The following NKTR variants were observed in gnomAD, a reference collection of about 807,000 sequenced individuals.
The protein encoded by NKTR is natural killer cell triggering receptor.
Under a neutral mutation model 156.3 loss-of-function variants are expected in NKTR, and 67 were observed. The observed-to-expected ratio is 0.43, with a 90% CI of 0.35 to 0.53. The LOEUF (loss-of-function observed/expected upper bound fraction) is 0.53. NKTR is among the 20% of genes least tolerant of loss of function. The pLI is 0.01. For missense variants in NKTR, 1,604 were observed against 1,730.9 expected (o/e 0.93, Z 1.30); for synonymous variants, 640 against 596.6 (o/e 1.07, Z -1.06).
chr3:42,644,647 C>T (rs1343526382), intron 16 of NKTR, among the ~76,000 whole-genome samples: 2 of 152,016 alleles, frequency 1.3e-5, no homozygotes, highest in East Asian at 3.9e-4. Flanking sequence ...ATGATCAGGT[C>T]CAGCCTCCTC....
upstream of NKTR, chr3:42,600,642 C>T (rs896473236): frequency 1.7e-5 from 3 of 173,980 alleles, no homozygotes; most frequent in Admixed American, 6.4e-5. Flanking sequence ...TCCCGACTCT[C>T]GCGGGGTTTA....
chr3:42,628,229 C>T lies in NKTR; in HGVS notation c.375-2317C>T, dbSNP rs139029708. On this transcript the variant is annotated intron_variant, in intron 6 of 16. Transcript: ENST00000232978. ...AGTAATGGACTTTAATCATTCATATCAGGTTTAGGCACTATGGGCAGGCTG... is the reference window on the plus strand; with the variant it reads ...AGTAATGGACTTTAATCATTCATATTAGGTTTAGGCACTATGGGCAGGCTG... The T allele has an allele frequency of 1.0e-5, 10 of 985,372 alleles. No homozygotes were observed. The East Asian group carries it at 7.9e-4, about 78-fold the overall frequency. The allele number at this position is 985,372 out of a possible 1,614,324, so 61.0% of individuals were successfully genotyped here. A position where few individuals can be genotyped will look rare whatever the true frequency, so the allele number is the denominator to read the frequency against.
intron 1 of NKTR, 31 bp from the exon 2 acceptor site, chr3:42,600,953 C>G: frequency 2.8e-6 from 4 of 1,453,086 alleles, no homozygotes; most frequent in Non-Finnish European, 2.8e-6. Flanking sequence ...CTCGCCCCTG[C>G]CCTGACCGCT....
At chr3:42,627,239 T>C in intron 6 of NKTR, 4 of 985,586 alleles carry the variant, frequency 4.1e-6, no homozygotes, top group Non-Finnish European at 4.8e-6. Flanking sequence ...TAATGTCTCA[T>C]TACTCTAAGG....
chr3:42,635,957 TC>T (rs1286761507), intron 12 of NKTR, among the ~76,000 whole-genome samples: 3 of 152,270 alleles, frequency 2.0e-5, no homozygotes, highest in Admixed American at 2.0e-4. Flanking sequence ...GCAGATTCTT[TC>T]CTAGCCAGCC....
Position 42,638,788 on chromosome 3 carries a change from G to A in NKTR, c.3084G>A (p.Glu1028=). Residue 1028 remains glutamate (E), a synonymous_variant, in exon 13 of 17, where the codon GAG becomes GAA. Coordinates refer to ENST00000232978, the MANE Select transcript of NKTR (RefSeq NM_005385.4). ...TAGAATTTGGTGAAGAGGAGGAGGA[G>A]GAGATTGATGACAAGCAAGTTACTC... ...PPLEFGEEEE[E]EIDDKQVTQE... is the part of the protein sequence containing the mutation. 6.2e-7 allele frequency: 1 copy of A among 1,612,554 alleles called. No individual in the cohort carries two copies.
Position 42,607,969 on chromosome 3 carries a change from C to CTTTTTTTTTTT in NKTR, c.58+6938_58+6948dup, listed in dbSNP as rs201803926. Among the ~76,000 whole-genome samples, 50 of 74,960 alleles carry CTTTTTTTTTTT rather than the reference C, an allele frequency of 6.7e-4. 3 individuals carry two copies. The highest frequency in any genetic ancestry group is 1.0e-3 in the Admixed American group (6 of 5,726). The allele number at this position is 74,960 out of a possible 152,430, so 49.2% of individuals were successfully genotyped here. On this transcript the variant is annotated intron_variant, in intron 2 of 16. Coordinates refer to ENST00000232978, the MANE Select transcript of NKTR (RefSeq NM_005385.4). The stretch of plus-strand genomic sequence containing the variant: ...TGCCAATCGCAAGTCCTGAGTCGCT[C>CTTTTTTTTTTT]TTTTTTTTTTTTTTTTTTTTTTTTT...
intron 14 of NKTR, 51 bp downstream of exon 14, chr3:42,642,647 T>G (rs763053898): frequency 7.9e-7 from 1 of 1,264,730 alleles, no homozygotes; most frequent in Non-Finnish European, 1.2e-6. Context: ...GTCCACTTTT[T>G]AAGGCTACAT....
chr3:42,617,479 C>T, intron 2 of NKTR, 91 bp from the exon 3 acceptor site: 1 of 652,360 alleles, frequency 1.5e-6, no homozygotes, highest in Non-Finnish European at 2.7e-6. Flanking sequence ...CAAAAATAGA[C>T]TTTCTAATTT....
At position 42,632,988 on chromosome 3, in the gene NKTR, G is replaced by A. The variant is rs559884412; in HGVS notation, c.773+165G>A. 103 of 1,294,800 alleles carry A rather than the reference G, an allele frequency of 8.0e-5. No individual in the cohort carries two copies. In the Admixed American group the frequency reaches 8.0e-4, roughly 10 times the overall value. 80.2% of individuals were successfully genotyped at this position (1,294,800 alleles called of 1,614,324 possible). Reference sequence around the variant, plus strand: ...GCAAATCTAGGAGTAGGTAGCATAGGCATTTCATTTCAAAGATTTGTGTGT... The same window carrying A: ...GCAAATCTAGGAGTAGGTAGCATAGACATTTCATTTCAAAGATTTGTGTGT... On this transcript the variant is annotated intron_variant, in intron 9 of 16. Coordinates refer to ENST00000232978, the MANE Select transcript of NKTR (RefSeq NM_005385.4).
chr3:42,637,771 A>T lies in NKTR; in HGVS notation c.2067A>T (p.Ser689=). The change falls in exon 13 of 17, where the codon TCA becomes TCT. Residue 689 remains serine (S), a synonymous_variant. Transcript: ENST00000232978. ...ACAGTGATAGAAGTTCAGAAAGCTC[A>T]CCAAGGTCAAGGAGCAGATCTTCTA... ...SKYSDRSSES[S]PRSRSRSSRS... is the part of the protein sequence containing the mutation. 6.2e-7 allele frequency: 1 copy of T among 1,613,612 alleles called. No individual in the cohort carries two copies.
In NKTR at chr3:42,628,338, G is replaced by A. The variant is rs192512525; in HGVS notation, c.375-2208G>A. On this transcript the variant is annotated intron_variant, in intron 6 of 16. Coordinates refer to ENST00000232978, the MANE Select transcript of NKTR (RefSeq NM_005385.4). ...GGACCAAGTTTGCCTATTCTTGGCA[G>A]TTTTCATTTGAATTAAAAACTAAAC... 7.1e-6 allele frequency: 7 copies of A among 985,176 alleles called. No homozygotes were observed. In the East Asian group the frequency reaches 3.4e-4, roughly 48 times the overall value. The allele number at this position is 985,176 out of a possible 1,614,324, so 61.0% of individuals were successfully genotyped here. A position where few individuals can be genotyped will look rare whatever the true frequency, so the allele number is the denominator to read the frequency against.
intron 13 of NKTR, among the ~76,000 whole-genome samples, chr3:42,639,955 T>TCA: frequency 6.6e-6 from 1 of 151,962 alleles, no homozygotes; most frequent in East Asian, 1.9e-4. Context: ...TTTACAAAAC[T>TCA]ATTACTATCA....
intron 6 of NKTR, chr3:42,630,033 G>A: frequency 1.0e-6 from 1 of 985,524 alleles, no homozygotes. Context: ...CAGAACTCCT[G>A]AGACCTACCT....
rs372421485 is a variant in NKTR, at chr3:42,638,707, A to G, written c.3003A>G (p.Lys1001=). ...KKVKEKLKGK[K]DKKHKAPKRK... ...TGAAAGAGAAATTGAAAGGGAAAAA[A>G]GACAAAAAGCATAAGGCTCCAAAAC... is the stretch of plus-strand genomic sequence containing the variant. The change falls in exon 13 of 17, where the codon AAA becomes AAG. Residue 1001 remains lysine, a synonymous_variant. Coordinates refer to ENST00000232978, the MANE Select transcript of NKTR (RefSeq NM_005385.4). 1.9e-5 allele frequency: 30 copies of G among 1,613,118 alleles called. No homozygotes were observed. The African/African-American group carries it at 3.9e-4, about 21-fold the overall frequency.
At chr3:42,645,262 G>GT (rs1175096721) in intron 16 of NKTR, among the ~76,000 whole-genome samples, 19 of 152,074 alleles carry the variant, frequency 1.2e-4, no homozygotes, top group African/African-American at 1.2e-4. Flanking sequence ...CTGCTCATTG[G>GT]TTTTTTGTTT....
At chr3:42,608,959 A>G (rs577952126) in intron 2 of NKTR, among the ~76,000 whole-genome samples, 1 of 152,060 alleles carries the variant, frequency 6.6e-6, no homozygotes, top group African/African-American at 2.4e-5. Context: ...AACCCTGACC[A>G]CTAAAAAGAA....
chr3:42,638,533 T>C lies in NKTR; in HGVS notation c.2829T>C (p.Asp943=), dbSNP rs762524627. ...TKSSTNTSLP[D]DNGAWKSSKQ... ...CGTCCACAAATACTTCACTGCCTGA[T>C]GATAATGGTGCTTGGAAATCAAGCA... is the stretch of plus-strand genomic sequence containing the variant. The change falls in exon 13 of 17, where the codon GAT becomes GAC. Residue 943 remains aspartate, a synonymous_variant. Coordinates refer to ENST00000232978, the MANE Select transcript of NKTR (RefSeq NM_005385.4). 5.6e-6 allele frequency: 9 copies of C among 1,613,528 alleles called. No homozygotes were observed. The highest frequency in any genetic ancestry group is 5.3e-5 in the African/African-American group (4 of 74,870).
Position 42,635,268 on chromosome 3 carries a change from T to C in NKTR, c.1065T>C (p.Asp355=). Residue 355 remains aspartate, a synonymous_variant, in exon 12 of 17, where the codon GAT becomes GAC. Transcript: ENST00000232978. ...CAAGATCCTGTTCTGAGTCAGATGA[T>C]GATGACAGCAGTGAAACTCCTCCTC... is the stretch of plus-strand genomic sequence containing the variant. ...PRSRSCSESD[D]DDSSETPPHW... 2 of 1,613,874 alleles carry C rather than the reference T, an allele frequency of 1.2e-6. No homozygotes were observed. The highest frequency in any genetic ancestry group is 4.5e-5 in the East Asian group (2 of 44,850).
Sources: gnomAD v4.1 joint callset for allele counts (sites outside exome capture counted in the v4.1 genomes callset) on GRCh38, gnomAD v4.1.1 for gene constraint, MANE v1.5 for transcripts, NCBI Gene and HGNC (gene_info 2026-07-23, HGNC 2026-07-21) for gene names.